Variants in TNR observed in about 807,000 individuals in gnomAD.
The protein encoded by TNR is tenascin-R.
In TNR, 45 loss-of-function variants were observed where a neutral mutation model predicts 150.4. That is an observed-to-expected ratio of 0.30 (90% CI 0.24 to 0.38). TNR has a LOEUF of 0.38. Among genes scored for constraint, TNR ranks in the 10% least tolerant of loss-of-function variants. The pLI, the probability that TNR is intolerant of heterozygous loss-of-function variation, is 1.00. For synonymous variants in TNR, 687 were observed against 678.4 expected (o/e 1.01, Z -0.20); for missense variants, 1,544 against 1,759.1 (o/e 0.88, Z 2.19).
chr1:175,455,887 T>C (rs115206111), intron 2 of TNR, among the ~76,000 whole-genome samples: 2,070 of 152,276 alleles, frequency 0.014, 42 homozygotes, highest in African/African-American at 0.047. Context: ...GTGACCTGCA[T>C]ATGGAGGGAC....
chr1:175,589,685 G>A (rs12092212), intron 1 of TNR, among the ~76,000 whole-genome samples: 20,464 of 152,056 alleles, frequency 0.13, 1,881 homozygotes, highest in African/African-American at 0.26. Context: ...GGATGAATTC[G>A]TGTCCTTTGC....
intron 1 of TNR, among the ~76,000 whole-genome samples, chr1:175,548,016 T>A (rs1402571562): frequency 6.6e-6 from 1 of 152,230 alleles, no homozygotes; most frequent in African/African-American, 2.4e-5. Context: ...TGGATTCATG[T>A]GGGCAAAGAC....
chr1:175,610,227 T>C (rs1362670503), intron 1 of TNR, among the ~76,000 whole-genome samples: 1 of 152,206 alleles, frequency 6.6e-6, no homozygotes, highest in African/African-American at 2.4e-5. Context: ...CACATGATCC[T>C]GGAAAACAGA....
intron 16 of TNR, 66 bp downstream of exon 16, chr1:175,356,253 C>T (rs1651320592): frequency 1.3e-6 from 2 of 1,595,466 alleles, no homozygotes; most frequent in Non-Finnish European, 1.7e-6. Flanking sequence ...TAGTCCACCA[C>T]AAGAAAGCTG....
intron 1 of TNR, among the ~76,000 whole-genome samples, chr1:175,678,369 G>A (rs1453300028): frequency 2.6e-5 from 4 of 152,152 alleles, no homozygotes; most frequent in Admixed American, 6.5e-5. Flanking sequence ...TCCAGAGGAC[G>A]GCCCTGGCAT....
chr1:175,359,769 G>A, intron 14 of TNR, 38 bp from the exon 15 acceptor site: 5 of 1,572,526 alleles, frequency 3.2e-6, no homozygotes, highest in Non-Finnish European at 3.5e-6. Flanking sequence ...GATAAGAGGA[G>A]CTGCAGGATA....
At chr1:175,738,787 T>C (rs1046757200) in intron 1 of TNR, among the ~76,000 whole-genome samples, 5 of 152,366 alleles carry the variant, frequency 3.3e-5, no homozygotes, top group East Asian at 3.9e-4. Context: ...GTGGTTCTTA[T>C]ATATGATGGG....
At chr1:175,556,885 T>C (rs1661181575) in intron 1 of TNR, 1 of 152,256 alleles carries the variant, frequency 6.6e-6, no homozygotes, top group Non-Finnish European at 1.5e-5. Context: ...GATGCTCTTC[T>C]AACCAACACC....
At chr1:175,512,511 A>G (rs1429325431) in intron 2 of TNR, among the ~76,000 whole-genome samples, 44 of 152,174 alleles carry the variant, frequency 2.9e-4, no homozygotes, top group Admixed American at 2.8e-3. Flanking sequence ...ACATATCCCT[A>G]TGGAGATGGA....
At chr1:175,489,206 T>C (rs890009221) in intron 2 of TNR, among the ~76,000 whole-genome samples, 2 of 152,162 alleles carry the variant, frequency 1.3e-5, no homozygotes, top group African/African-American at 4.8e-5. Context: ...CAGCCAGGAA[T>C]GGAACCTAGA....
intron 1 of TNR, among the ~76,000 whole-genome samples, chr1:175,739,059 C>A (rs1326833963): frequency 2.6e-5 from 4 of 152,078 alleles, no homozygotes; most frequent in Admixed American, 1.3e-4. Flanking sequence ...GTTTAGCAAC[C>A]AACACTTTAC....
intron 2 of TNR, among the ~76,000 whole-genome samples, chr1:175,421,343 G>C (rs568079464): frequency 8.7e-4 from 133 of 152,276 alleles, no homozygotes; most frequent in African/African-American, 3.1e-3. Context: ...CTATTGCTTT[G>C]ATCCTAGTTT....
intron 2 of TNR, among the ~76,000 whole-genome samples, chr1:175,464,510 G>C (rs948924555): frequency 7.9e-5 from 12 of 152,348 alleles, no homozygotes; most frequent in East Asian, 1.9e-4. Flanking sequence ...TGCTGGAAAA[G>C]ACGCACACCT....
intron 1 of TNR, among the ~76,000 whole-genome samples, chr1:175,729,776 CAAG>C (rs907124631): frequency 1.3e-5 from 2 of 152,124 alleles, no homozygotes; most frequent in African/African-American, 4.8e-5. Flanking sequence ...GTTGTTAAAA[CAAG>C]AAGAGCACAG....
At chr1:175,439,370 T>C (rs1655673908) in intron 2 of TNR, among the ~76,000 whole-genome samples, 1 of 151,848 alleles carries the variant, frequency 6.6e-6, no homozygotes, top group African/African-American at 2.4e-5. Context: ...ATACAAAAAT[T>C]AATTCAAGAT....
chr1:175,669,407 T>G (rs979205254), intron 1 of TNR, among the ~76,000 whole-genome samples: 1 of 152,128 alleles, frequency 6.6e-6, no homozygotes, highest in African/African-American at 2.4e-5. Context: ...GCATACATAC[T>G]CCATTACCCA....
At chr1:175,700,895 T>G (rs529374712) in intron 1 of TNR, among the ~76,000 whole-genome samples, 1 of 152,284 alleles carries the variant, frequency 6.6e-6, no homozygotes, top group East Asian at 1.9e-4. Context: ...AAACCTTACC[T>G]CACTCAAAGC....
chr1:175,454,085 G>GGGTCTGGTTGTCTGTCTGTTGGGGTT (rs1656447064), intron 2 of TNR, among the ~76,000 whole-genome samples: 2 of 152,130 alleles, frequency 1.3e-5, no homozygotes, highest in Non-Finnish European at 2.9e-5. Context: ...TCTTCTAAAT[G>GGGTCTGGTTGTCTGTCTGTTGGGGTT]GGTCTGGTTG....
intron 1 of TNR, among the ~76,000 whole-genome samples, chr1:175,546,270 G>A (rs1660682465): frequency 1.3e-5 from 2 of 152,188 alleles, no homozygotes; most frequent in Non-Finnish European, 2.9e-5. Flanking sequence ...TCTGAAATGA[G>A]TTACCCAGGG....
Sources: gnomAD v4.1 joint callset for allele counts (sites outside exome capture counted in the v4.1 genomes callset) on GRCh38, gnomAD v4.1.1 for gene constraint, MANE v1.5 for transcripts, NCBI Gene and HGNC (gene_info 2026-07-23, HGNC 2026-07-21) for gene names.